The following HCN4 variants were observed in gnomAD, a reference collection of about 807,000 sequenced individuals.
HCN4 encodes the protein potassium/sodium hyperpolarization-activated cyclic nucleotide-gated channel 4.
HCN4 carries 29 observed loss-of-function variants against 76.9 expected under a neutral mutation model. The ratio of observed to expected loss-of-function variants is 0.38; its 90% confidence interval spans 0.28 to 0.51. The LOEUF (loss-of-function observed/expected upper bound fraction) is 0.51, where lower values mean the gene tolerates loss of function less well. Ranked by LOEUF, HCN4 falls within the 20% of genes least tolerant of loss-of-function variation. The pLI is 0.90. For synonymous variants in HCN4, 772 were observed against 762.5 expected, an observed-to-expected ratio of 1.01 and a Z score of -0.21; for missense variants, 1,416 against 1,715.2, an observed-to-expected ratio of 0.83 and a Z score of 3.08.
At chr15:73,331,612 T>G (rs2042933092) in intron 3 of HCN4, among the ~76,000 whole-genome samples, 1 of 152,098 alleles carries the variant, frequency 6.6e-6, no homozygotes, top group Non-Finnish European at 1.5e-5. Flanking sequence ...TAAAAATAAA[T>G]TTTATTTATT....
rs1333637396 is a variant in HCN4 at position 73,325,570 on chromosome 15, C to T, written c.1591-126G>A. On this transcript the variant is annotated intron_variant, in intron 4 of 7. Transcript: ENST00000261917. This position sits in a 1 kb window ranked among gnomAD's most constrained non-coding sequence, Gnocchi z 7.4. ...GGGATTTCCTGGCTAAACTTGGTTC[C>T]TTGAGATCTGAGGTCTACAGTGTGG... 9 of 958,918 alleles carry T rather than the reference C, an allele frequency of 9.4e-6. No individual in the cohort carries two copies. Among genetic ancestry groups the T allele is most frequent in the Non-Finnish European group, 1.3e-5 (8 of 596,566 alleles). 59.4% of individuals were successfully genotyped at this position (958,918 alleles called of 1,614,324 possible). A position where few individuals can be genotyped will look rare whatever the true frequency, so the allele number is the denominator to read the frequency against.
At chr15:73,357,448 C>G (rs1028345749) in intron 1 of HCN4, among the ~76,000 whole-genome samples, 3 of 152,144 alleles carry the variant, frequency 2.0e-5, no homozygotes, top group African/African-American at 7.2e-5. Flanking sequence ...CCTCCACCCA[C>G]AGTCATCTGG....
chr15:73,341,586 G>C (rs1204861342), intron 2 of HCN4, among the ~76,000 whole-genome samples: 1 of 152,238 alleles, frequency 6.6e-6, no homozygotes, highest in Admixed American at 6.5e-5. Flanking sequence ...ATGCTAGGCA[G>C]TGTGGAGCCG....
rs924437638 is a variant in HCN4 at position 73,368,274 on chromosome 15, G to T, written c.-4C>A. 5 of 1,485,588 alleles carry T rather than the reference G, an allele frequency of 3.4e-6. No individual in the cohort carries two copies. Among genetic ancestry groups the T allele is most frequent in the East Asian group, 2.9e-5 (1 of 34,822 alleles). 92.0% of individuals were successfully genotyped at this position (1,485,588 alleles called of 1,614,324 possible). On this transcript the variant is annotated 5_prime_UTR_variant, in exon 1 of 8. Coordinates refer to ENST00000261917, the MANE Select transcript of HCN4 (RefSeq NM_005477.3). The surrounding 1 kb of genome is among the most constrained non-coding windows in gnomAD (Gnocchi z 6.9). ...TGGACGGCGGCAGCTTGTCCATGGC[G>T]CCAGGGGCCGGGGTCGGACCGGGCC...
chr15:73,326,350 C>A (rs1358094662), intron 4 of HCN4, among the ~76,000 whole-genome samples: 4 of 152,214 alleles, frequency 2.6e-5, no homozygotes, highest in Non-Finnish European at 5.9e-5. Context: ...CAGAAACACC[C>A]ACGGGCAAAT....
chr15:73,364,694 T>C (rs2043120762), intron 1 of HCN4, among the ~76,000 whole-genome samples: 1 of 151,924 alleles, frequency 6.6e-6, no homozygotes, highest in Admixed American at 6.6e-5. Flanking sequence ...GGCCAGGGCA[T>C]GGTTTCTTTT....
chr15:73,322,764 C>G lies in HCN4; in HGVS notation c.3329G>C (p.Gly1110Ala). ...GAGCGGGAAGGCAGCCATGGACTCC[C>G]CTGAGGAGTGCGGGGAGGCTCTGCG... is the stretch of plus-strand genomic sequence containing the variant. The part of the protein sequence containing the change: ...TLRRASPHSS[G>A]ESMAAFPLFP... Residue 1110 changes from glycine to alanine, a missense_variant, in exon 8 of 8, where the codon GGG (glycine) becomes GCG (alanine). Physicochemically the swap from Gly to Ala is moderately conservative, Grantham distance 60. Coordinates refer to ENST00000261917, the MANE Select transcript of HCN4 (RefSeq NM_005477.3). 1 of 1,562,278 alleles carries G rather than the reference C, an allele frequency of 6.4e-7. No homozygotes were observed. The highest frequency in any genetic ancestry group is 8.7e-7 in the Non-Finnish European group (1 of 1,153,066).
At chr15:73,354,728 T>C (rs1217615932) in intron 1 of HCN4, among the ~76,000 whole-genome samples, 1 of 152,214 alleles carries the variant, frequency 6.6e-6, no homozygotes, top group Non-Finnish European at 1.5e-5. Context: ...ATATGCTATA[T>C]GGCATAAATA....
In HCN4 at chr15:73,337,349, A is replaced by G. The variant is rs535639678; in HGVS notation, c.1210-5057T>C. On this transcript the variant is annotated intron_variant, in intron 2 of 7. Transcript: ENST00000261917. Reference sequence around the variant, plus strand: ...CTTAGCACAAGCAGGCATCAAAAATATCTGCTGATTGCCTGAATAAATGCG... The same window carrying G: ...CTTAGCACAAGCAGGCATCAAAAATGTCTGCTGATTGCCTGAATAAATGCG... Among the ~76,000 whole-genome samples, 10 of 152,324 alleles carry G rather than the reference A, an allele frequency of 6.6e-5. No homozygotes were observed. In the South Asian group the frequency reaches 2.1e-3, roughly 32 times the overall value.
intron 1 of HCN4, among the ~76,000 whole-genome samples, chr15:73,352,867 T>C (rs1056941699): frequency 3.9e-4 from 60 of 152,220 alleles, no homozygotes; most frequent in African/African-American, 1.3e-3. Flanking sequence ...AGGAGGAGTC[T>C]TAGGGCTTCC....
In HCN4 at chr15:73,323,141, T is replaced by C. The variant is rs540784997; in HGVS notation, c.2952A>G (p.Leu984=). 5 of 1,588,590 alleles carry C rather than the reference T, an allele frequency of 3.1e-6. No homozygotes were observed. In the South Asian group the frequency reaches 5.7e-5, roughly 18 times the overall value. The stretch of plus-strand genomic sequence containing the variant: ...TGCTCAGTGGGCCAGTGGCCAGACC[T>C]AGGGACAACTCCCCGGGAGGCTGGC... ...QLGQPPGELS[L]GLATGPLSTP... Residue 984 remains leucine (L), a synonymous_variant, in exon 8 of 8, where the codon CTA becomes CTG. Coordinates refer to ENST00000261917, the MANE Select transcript of HCN4 (RefSeq NM_005477.3).
At chr15:73,330,791 G>C (rs2042928216) in intron 3 of HCN4, among the ~76,000 whole-genome samples, 1 of 152,222 alleles carries the variant, frequency 6.6e-6, no homozygotes, top group Non-Finnish European at 1.5e-5. Flanking sequence ...CCTTGGGTCT[G>C]ATGGCTCAGT....
chr15:73,367,533 C>T lies in HCN4; in HGVS notation c.738G>A (p.Arg246=), dbSNP rs1029604883. 1.2e-6 allele frequency: 2 copies of T among 1,614,068 alleles called. No individual in the cohort carries two copies. Among genetic ancestry groups the T allele is most frequent in the Non-Finnish European group, 8.5e-7 (1 of 1,180,018 alleles). Residue 246 remains arginine, a synonymous_variant, in exon 1 of 8, where the codon AGG becomes AGA. Transcript: ENST00000261917. This position sits in a 1 kb window ranked among gnomAD's most constrained non-coding sequence, Gnocchi z 7.5. Reference sequence around the variant, plus strand: ...TAATCCAAAATCCGGCCGACTTGACCCTCTCCTGTTCGCGCTCCACGGCTT... The same window carrying T: ...TAATCCAAAATCCGGCCGACTTGACTCTCTCCTGTTCGCGCTCCACGGCTT... ...SQKAVEREQE[R]VKSAGFWIIH... is the part of the protein sequence containing the mutation.
Position 73,368,009 on chromosome 15 carries a change from T to C in HCN4, c.262A>G (p.Ser88Gly). 1 of 1,410,904 alleles carries C rather than the reference T, an allele frequency of 7.1e-7. No homozygotes were observed. Among genetic ancestry groups the C allele is most frequent in the Non-Finnish European group, 9.2e-7 (1 of 1,089,388 alleles). 87.4% of individuals were successfully genotyped at this position (1,410,904 alleles called of 1,614,324 possible). ...AAGCGCCTGCAGTCGCCGTTCGTGCTGGACTTGCCCGCGCCGCGGGCCGGC... is the reference window on the plus strand; with the variant it reads ...AAGCGCCTGCAGTCGCCGTTCGTGCCGGACTTGCCCGCGCCGCGGGCCGGC... ...EGPARGAGKSSTNGDCRRFRG... is the reference protein window; with the variant it reads ...EGPARGAGKSGTNGDCRRFRG... The change falls in exon 1 of 8, where the codon AGC (serine) becomes GGC (glycine). Residue 88 changes from serine to glycine, a missense_variant. Transcript: ENST00000261917. This position sits in a 1 kb window ranked among gnomAD's most constrained non-coding sequence, Gnocchi z 6.9.
chr15:73,367,605 G>C lies in HCN4; in HGVS notation c.666C>G (p.Leu222=), dbSNP rs773588439. The C allele has an allele frequency of 1.2e-6, 2 of 1,613,556 alleles. No homozygotes were observed. The highest frequency in any genetic ancestry group is 4.5e-5 in the East Asian group (2 of 44,870). Residue 222 remains leucine (L), a synonymous_variant, in exon 1 of 8, where the codon CTC becomes CTG. Transcript: ENST00000261917. This position sits in a 1 kb window ranked among gnomAD's most constrained non-coding sequence, Gnocchi z 7.5. Reference sequence around the variant, plus strand: ...GGGAGAATTTGTTGACCCCGGGTTGGAGCATGGCCCCGAACTGGCGCTGCA... The same window carrying C: ...GGGAGAATTTGTTGACCCCGGGTTGCAGCATGGCCCCGAACTGGCGCTGCA... ...GFMQRQFGAM[L]QPGVNKFSLR...
chr15:73,361,808 G>C (rs79732255), intron 1 of HCN4, among the ~76,000 whole-genome samples: 1 of 152,238 alleles, frequency 6.6e-6, no homozygotes, highest in South Asian at 2.1e-4. Flanking sequence ...ATAGCCTGGG[G>C]CAGGGAAGAA....
rs968434741 is a variant in HCN4 at position 73,334,861 on chromosome 15, C to T, written c.1210-2569G>A. On this transcript the variant is annotated intron_variant, in intron 2 of 7. Coordinates refer to ENST00000261917, the MANE Select transcript of HCN4 (RefSeq NM_005477.3). ...CTAGGGACTGCACCTTTGTGTCCCTCTCAAATTCCTACGTTGAATTCCTAA... is the reference window on the plus strand; with the variant it reads ...CTAGGGACTGCACCTTTGTGTCCCTTTCAAATTCCTACGTTGAATTCCTAA... Among the ~76,000 whole-genome samples the T allele has an allele frequency of 4.3e-4, 65 of 152,258 alleles. 2 individuals are homozygous for T. The highest frequency in any genetic ancestry group is 1.5e-3 in the African/African-American group (62 of 41,554).
At chr15:73,330,265 G>T (rs2042925215) in intron 3 of HCN4, among the ~76,000 whole-genome samples, 1 of 152,220 alleles carries the variant, frequency 6.6e-6, no homozygotes, top group South Asian at 2.1e-4. Context: ...GAAAAACACT[G>T]TCCTCATTTT....
intron 1 of HCN4, among the ~76,000 whole-genome samples, chr15:73,366,224 C>G (rs1273094547): frequency 1.3e-5 from 2 of 152,078 alleles, no homozygotes; most frequent in African/African-American, 4.8e-5. Context: ...TTTAAGCCAC[C>G]GAGTGTTGTC....
Sources: gnomAD v4.1 joint callset for allele counts (sites outside exome capture counted in the v4.1 genomes callset) on GRCh38, gnomAD v4.1.1 for gene constraint, Gnocchi (gnomAD v3.1) non-coding constraint, MANE v1.5 for transcripts, NCBI Gene and HGNC (gene_info 2026-07-23, HGNC 2026-07-21) for gene names.